The following CDIN1 variants were observed in gnomAD, a reference collection of about 807,000 sequenced individuals.
CDIN1 encodes the protein CDAN1-interacting nuclease 1.
In CDIN1, 33 loss-of-function variants were observed where a neutral mutation model predicts 45.3. The observed-to-expected ratio is 0.73, with a 90% CI of 0.55 to 0.97. The LOEUF is 0.97. CDIN1 is among the 50% of genes least tolerant of loss of function. The probability of loss-of-function intolerance (pLI) is 0.00; values close to 1 mark genes in which losing one functional copy is unlikely to be tolerated. For synonymous variants in CDIN1, 118 were observed against 124.4 expected, an observed-to-expected ratio of 0.95 and a Z score of 0.34; for missense variants, 303 against 339.4, an observed-to-expected ratio of 0.89 and a Z score of 0.84.
At chr15:36,681,009 A>T (rs775082355) in intron 5 of CDIN1, among the ~76,000 whole-genome samples, 13 of 152,174 alleles carry the variant, frequency 8.5e-5, no homozygotes, top group Non-Finnish European at 1.6e-4. Context: ...CCAATGGAGG[A>T]GACCAATTAC....
At chr15:36,626,576 C>G (rs1253057766) in intron 1 of CDIN1, 5 of 247,878 alleles carry the variant, frequency 2.0e-5, no homozygotes, top group Non-Finnish European at 3.9e-5. Context: ...GTTTTGGCGA[C>G]TAATAGCAAG....
chr15:36,766,263 T>C (rs2053921754), intron 10 of CDIN1, among the ~76,000 whole-genome samples: 1 of 152,244 alleles, frequency 6.6e-6, no homozygotes, highest in South Asian at 2.1e-4. Context: ...TGAATAATAT[T>C]CCACTGTATG....
intron 10 of CDIN1, among the ~76,000 whole-genome samples, chr15:36,761,803 A>G (rs181301212): frequency 3.3e-4 from 50 of 152,352 alleles, no homozygotes; most frequent in African/African-American, 1.2e-3. Context: ...TTACTGTTGC[A>G]TACTGATATG....
At chr15:36,720,509 C>T (rs1028672435) in intron 10 of CDIN1, among the ~76,000 whole-genome samples, 7 of 148,348 alleles carry the variant, frequency 4.7e-5, no homozygotes, top group East Asian at 2.0e-4. Context: ...TTCCCACCTA[C>T]GGGTGAGAAT....
intron 8 of CDIN1, among the ~76,000 whole-genome samples, chr15:36,700,634 T>A (rs951314499): frequency 2.6e-5 from 4 of 151,482 alleles, no homozygotes; most frequent in African/African-American, 9.7e-5. Context: ...TTGGCTCTAT[T>A]GCCAGTAGCT....
intron 10 of CDIN1, among the ~76,000 whole-genome samples, chr15:36,787,827 C>G (rs1009017469): frequency 2.0e-5 from 3 of 150,956 alleles, no homozygotes; most frequent in African/African-American, 7.3e-5. Context: ...TAGCAAAGAC[C>G]AAAGACTAGG....
At chr15:36,798,175 T>C (rs2141115024) in intron 10 of CDIN1, among the ~76,000 whole-genome samples, 1 of 152,314 alleles carries the variant, frequency 6.6e-6, no homozygotes, top group Non-Finnish European at 1.5e-5. Context: ...TATGTGCCAC[T>C]GAAATACAAG....
chr15:36,616,618 A>C (rs755997755), intron 1 of CDIN1, among the ~76,000 whole-genome samples: 25 of 152,112 alleles, frequency 1.6e-4, no homozygotes, highest in Admixed American at 1.6e-3. Flanking sequence ...GTATTGTTCC[A>C]AGAATATAAT....
intron 10 of CDIN1, chr15:36,755,857 C>T (rs569145386): frequency 4.0e-6 from 1 of 247,536 alleles, no homozygotes; most frequent in South Asian, 4.5e-5. Context: ...ATGTGGATCA[C>T]AAGAGCGAAC....
chr15:36,679,433 G>A (rs1012825828), intron 5 of CDIN1, among the ~76,000 whole-genome samples: 2 of 152,116 alleles, frequency 1.3e-5, no homozygotes, highest in African/African-American at 4.8e-5. Context: ...TTACAAACAA[G>A]GATACTGAGA....
intron 1 of CDIN1, among the ~76,000 whole-genome samples, chr15:36,581,193 G>A (rs1302500101): frequency 6.6e-6 from 1 of 152,230 alleles, no homozygotes; most frequent in African/African-American, 2.4e-5. Flanking sequence ...AATGGGTGAA[G>A]ACTGGTCAGC....
chr15:36,739,071 C>T (rs2044137524), intron 10 of CDIN1, among the ~76,000 whole-genome samples: 1 of 152,112 alleles, frequency 6.6e-6, no homozygotes, highest in African/African-American at 2.4e-5. Context: ...GGAAAATAAA[C>T]AATCATCAGT....
intron 8 of CDIN1, among the ~76,000 whole-genome samples, chr15:36,698,034 A>G (rs1388876107): frequency 1.3e-5 from 2 of 152,184 alleles, no homozygotes; most frequent in Non-Finnish European, 2.9e-5. Flanking sequence ...CACTTTAAAT[A>G]TGGTAATTTG....
chr15:36,641,011 C>T (rs1270587590), intron 1 of CDIN1, among the ~76,000 whole-genome samples: 1 of 152,162 alleles, frequency 6.6e-6, no homozygotes, highest in African/African-American at 2.4e-5. Context: ...GTGAGTCAGG[C>T]ACAGACAGAG....
chr15:36,701,103 T>C (rs1034531402), intron 8 of CDIN1, among the ~76,000 whole-genome samples: 1 of 85,462 alleles, frequency 1.2e-5, no homozygotes, highest in Non-Finnish European at 2.4e-5. Context: ...GGTAGGTAGA[T>C]AGATAGATAG....
chr15:36,631,720 G>T (rs777436175), intron 1 of CDIN1, among the ~76,000 whole-genome samples: 2 of 152,186 alleles, frequency 1.3e-5, no homozygotes, highest in East Asian at 3.8e-4. Context: ...GAGCATTTGT[G>T]TATAGACTTT....
chr15:36,734,318 AG>A, intron 10 of CDIN1: 1 of 394,172 alleles, frequency 2.5e-6, no homozygotes, highest in Non-Finnish European at 5.0e-6. Context: ...GTTCATCCTT[AG>A]AACAATACTA....
At chr15:36,682,612 A>C (rs1169164370) in intron 5 of CDIN1, among the ~76,000 whole-genome samples, 1 of 150,880 alleles carries the variant, frequency 6.6e-6, no homozygotes, top group South Asian at 2.1e-4. Flanking sequence ...AAAAAAAAAA[A>C]CAAAAATTAG....
chr15:36,631,574 A>C (rs928092274), intron 1 of CDIN1, among the ~76,000 whole-genome samples: 1 of 152,202 alleles, frequency 6.6e-6, no homozygotes, highest in African/African-American at 2.4e-5. Flanking sequence ...GTCATAGCAT[A>C]TATCAGTACT....
Sources: gnomAD v4.1 joint callset for allele counts (sites outside exome capture counted in the v4.1 genomes callset) on GRCh38, gnomAD v4.1.1 for gene constraint, MANE v1.5 for transcripts, NCBI Gene and HGNC (gene_info 2026-07-23, HGNC 2026-07-21) for gene names.